The following COL5A1 variants were observed in gnomAD, a reference collection of about 807,000 sequenced individuals.
COL5A1 encodes collagen alpha-1(V) chain.
A neutral mutation model predicts 263.7 loss-of-function variants in COL5A1; 16 were observed. The observed-to-expected ratio is 0.06, with a 90% confidence interval of 0.04 to 0.09. The LOEUF (loss-of-function observed/expected upper bound fraction) is 0.09. Among genes scored for constraint, COL5A1 ranks in the 10% least tolerant of loss-of-function variants. The probability of loss-of-function intolerance (pLI) is 1.00; values close to 1 mark genes in which losing one functional copy is unlikely to be tolerated. For missense variants in COL5A1, 2,036 were observed against 2,540.5 expected (o/e 0.80, Z 4.27); for synonymous variants, 1,012 against 1,004.5 (o/e 1.01, Z -0.14).
intron 1 of COL5A1, among the ~76,000 whole-genome samples, chr9:134,674,496 ATGT>A (rs1292643896): frequency 2.6e-5 from 4 of 151,354 alleles, no homozygotes; most frequent in African/African-American, 9.7e-5. Flanking sequence ...GGTGATGGAC[ATGT>A]TGTGTATCTT....
Position 134,741,585 on chromosome 9 carries a change from A to C in COL5A1, c.1494+2777A>C, listed in dbSNP as rs566261159. ...TCAGGTGATAAGGGGCGCTCTCCAA[A>C]TCCTGGTACAGAAGCAGAGGCAGGA... On this transcript the variant is annotated intron_variant, in intron 11 of 65. Coordinates refer to ENST00000371817, the MANE Select transcript of COL5A1 (RefSeq NM_000093.5). This position sits in a 1 kb window ranked among gnomAD's most constrained non-coding sequence, Gnocchi z 4.5. 7.9e-5 allele frequency among the ~76,000 whole-genome samples: 12 copies of C among 151,840 alleles called. No homozygotes were observed. The East Asian group carries it at 2.1e-3, about 27-fold the overall frequency.
chr9:134,762,084 C>A, intron 19 of COL5A1, 106 bp downstream of exon 19: 1 of 1,176,066 alleles, frequency 8.5e-7, no homozygotes, highest in Non-Finnish European at 1.3e-6. Flanking sequence ...TGGCCTGCCG[C>A]ATGTGGAGGG....
At chr9:134,721,483 C>T (rs2132621141) in intron 4 of COL5A1, among the ~76,000 whole-genome samples, 1 of 152,276 alleles carries the variant, frequency 6.6e-6, no homozygotes, top group African/African-American at 2.4e-5. Flanking sequence ...AGCCACCAAC[C>T]CACAGCCCCG....
chr9:134,803,604 C>T (rs1352724999), intron 39 of COL5A1, among the ~76,000 whole-genome samples: 2 of 152,106 alleles, frequency 1.3e-5, no homozygotes, highest in Non-Finnish European at 2.9e-5. Context: ...CAGTGCACTC[C>T]AGCCTGGTTA....
At chr9:134,658,373 C>G (rs1255829406) in intron 1 of COL5A1, among the ~76,000 whole-genome samples, 1 of 152,182 alleles carries the variant, frequency 6.6e-6, no homozygotes, top group Non-Finnish European at 1.5e-5. Context: ...TCTTTCTTTC[C>G]TTTTCTGGCT....
At chr9:134,756,226 C>G (rs781200749) in intron 16 of COL5A1, among the ~76,000 whole-genome samples, 14 of 152,220 alleles carry the variant, frequency 9.2e-5, no homozygotes, top group Admixed American at 6.5e-5. Context: ...CATCTGCTCA[C>G]CGTGCAGATG....
rs962223910 is a variant in COL5A1, at chr9:134,823,175, C to A, written c.4644+142C>A. The A allele has an allele frequency of 1.7e-5, 19 of 1,133,792 alleles. No homozygotes were observed. In the African/African-American group the frequency reaches 2.6e-4, roughly 16 times the overall value. 70.2% of individuals were successfully genotyped at this position (1,133,792 alleles called of 1,614,324 possible). ...CGATCCTCCCATCTTTCTACACTGA[C>A]CCATGGCGGACTGAGGCAGGTGGGC... On this transcript the variant is annotated intron_variant, in intron 60 of 65. Coordinates refer to ENST00000371817, the MANE Select transcript of COL5A1 (RefSeq NM_000093.5).
chr9:134,820,020 T>C (rs1310281108), intron 57 of COL5A1, 96 bp from the exon 58 acceptor site: 6 of 901,602 alleles, frequency 6.7e-6, no homozygotes, highest in African/African-American at 1.6e-5. Flanking sequence ...TAAAGCTTCC[T>C]GTGCCATGGC....
chr9:134,699,151 C>G (rs967266617), intron 2 of COL5A1, among the ~76,000 whole-genome samples: 1 of 152,168 alleles, frequency 6.6e-6, no homozygotes, highest in African/African-American at 2.4e-5. Context: ...GGCTGGGGCT[C>G]CCGGTCATGC....
At chr9:134,773,603 G>A (rs1046506098) in intron 26 of COL5A1, among the ~76,000 whole-genome samples, 4 of 152,326 alleles carry the variant, frequency 2.6e-5, no homozygotes, top group South Asian at 4.1e-4. Context: ...CTCTGGAATC[G>A]GGCCTGATTA....
At chr9:134,688,106 C>G (rs1833141517) in intron 1 of COL5A1, among the ~76,000 whole-genome samples, 1 of 152,194 alleles carries the variant, frequency 6.6e-6, no homozygotes, top group South Asian at 2.1e-4. Flanking sequence ...CACAGGAAGC[C>G]CCTGGCCAGC....
At chr9:134,679,957 A>C (rs999738404) in intron 1 of COL5A1, among the ~76,000 whole-genome samples, 2 of 151,494 alleles carry the variant, frequency 1.3e-5, no homozygotes, top group African/African-American at 4.9e-5. Flanking sequence ...AAGTCAGTCC[A>C]CCCCGGGAGT....
intron 32 of COL5A1, among the ~76,000 whole-genome samples, chr9:134,793,832 T>C (rs1182745317): frequency 1.3e-5 from 2 of 152,222 alleles, no homozygotes; most frequent in African/African-American, 4.8e-5. Context: ...ACCATAGTAA[T>C]TGAAGAACTG....
intron 1 of COL5A1, among the ~76,000 whole-genome samples, chr9:134,654,943 G>C (rs1409619172): frequency 3.0e-5 from 3 of 100,512 alleles, no homozygotes; most frequent in Admixed American, 1.0e-4. Context: ...AGGGCTGGGG[G>C]TGTGTAGAGC....
chr9:134,828,948 T>C (rs1839448349), intron 63 of COL5A1, among the ~76,000 whole-genome samples: 1 of 149,102 alleles, frequency 6.7e-6, no homozygotes, highest in Non-Finnish European at 1.5e-5. Context: ...CACAGATGCG[T>C]ACCACACACC....
intron 21 of COL5A1, 150 bp from the exon 22 acceptor site, chr9:134,766,304 A>AT: frequency 1.3e-6 from 1 of 761,264 alleles, no homozygotes; most frequent in Non-Finnish European, 2.3e-6. Context: ...AGGGATTTGG[A>AT]GTCAGGTCCT....
chr9:134,747,372 TGAG>T (rs551781333), intron 11 of COL5A1, among the ~76,000 whole-genome samples: 34 of 152,308 alleles, frequency 2.2e-4, no homozygotes, highest in African/African-American at 5.5e-4. Context: ...GGAGTGGCCT[TGAG>T]GAGACTTCCT....
intron 4 of COL5A1, among the ~76,000 whole-genome samples, chr9:134,718,307 G>A (rs986070566): frequency 2.0e-5 from 3 of 152,248 alleles, no homozygotes; most frequent in Admixed American, 6.5e-5. Flanking sequence ...CGGAATGGCC[G>A]TAATGACCCT....
intron 2 of COL5A1, among the ~76,000 whole-genome samples, chr9:134,692,359 G>T (rs972867533): frequency 2.0e-5 from 3 of 152,164 alleles, no homozygotes; most frequent in Admixed American, 2.0e-4. Flanking sequence ...CAGCGGTTTC[G>T]TTTCTCCAGG....
Sources: allele counts gnomAD v4.1 joint callset (sites outside exome capture counted in the v4.1 genomes callset), GRCh38; gene constraint gnomAD v4.1.1; non-coding constraint Gnocchi (gnomAD v3.1); transcripts MANE v1.5; gene names NCBI Gene and HGNC (gene_info 2026-07-23, HGNC 2026-07-21).